BICC1: variants seen among roughly 807,000 people sequenced by gnomAD.
BICC1 encodes protein bicaudal C homolog 1.
BICC1 carries 43 observed loss-of-function variants against 111.0 expected under a neutral mutation model. That is an observed-to-expected ratio of 0.39 (90% CI 0.30 to 0.50). The LOEUF is 0.50. Ranked by LOEUF, BICC1 falls within the 20% of genes least tolerant of loss-of-function variation. BICC1 has a pLI of 0.88. For synonymous variants in BICC1, 467 were observed against 434.4 expected (o/e 1.07, Z -0.93); for missense variants, 1,091 against 1,203.2 (o/e 0.91, Z 1.38).
intron 20 of BICC1, among the ~76,000 whole-genome samples, chr10:58,828,080 A>ACTTACTGGTAAGC (rs1277318743): frequency 6.6e-6 from 1 of 152,216 alleles, no homozygotes; most frequent in Admixed American, 6.5e-5. Context: ...GTGTTAATCA[A>ACTTACTGGTAAGC]CTTACTGGTA....
chr10:58,677,282 T>C (rs1839375858), intron 2 of BICC1, among the ~76,000 whole-genome samples: 1 of 152,160 alleles, frequency 6.6e-6, no homozygotes, highest in African/African-American at 2.4e-5. Flanking sequence ...TCTAACCCAA[T>C]GCAAAGGAAG....
chr10:58,524,749 G>T (rs979695164), intron 1 of BICC1, among the ~76,000 whole-genome samples: 19 of 152,046 alleles, frequency 1.2e-4, no homozygotes, highest in African/African-American at 4.3e-4. Flanking sequence ...CACAGCAAAA[G>T]AAACTACCAT....
At chr10:58,712,669 A>G (rs1247055576) in intron 3 of BICC1, among the ~76,000 whole-genome samples, 3 of 152,218 alleles carry the variant, frequency 2.0e-5, no homozygotes, top group Non-Finnish European at 4.4e-5. Context: ...CTTTGGAGAC[A>G]GTAAAAAGAT....
At chr10:58,760,547 A>C (rs1842284021) in intron 3 of BICC1, among the ~76,000 whole-genome samples, 1 of 152,198 alleles carries the variant, frequency 6.6e-6, no homozygotes, top group Non-Finnish European at 1.5e-5. Context: ...AGCAGACTTA[A>C]ATTGTCCTTG....
intron 19 of BICC1, among the ~76,000 whole-genome samples, chr10:58,818,391 C>G (rs1844161196): frequency 6.6e-6 from 1 of 152,118 alleles, no homozygotes. Flanking sequence ...GCACAGCTAA[C>G]TCAAAGTGTC....
At chr10:58,797,924 G>A (rs1843409631) in intron 10 of BICC1, among the ~76,000 whole-genome samples, 1 of 152,142 alleles carries the variant, frequency 6.6e-6, no homozygotes, top group African/African-American at 2.4e-5. Flanking sequence ...AACTGTTCTG[G>A]TAGCCTACCC....
At chr10:58,693,522 G>C (rs1207253501) in intron 2 of BICC1, among the ~76,000 whole-genome samples, 1 of 152,194 alleles carries the variant, frequency 6.6e-6, no homozygotes, top group East Asian at 1.9e-4. Flanking sequence ...TCCAGCACCT[G>C]TTGTTTCCTG....
At chr10:58,584,420 T>G (rs995388805) in intron 1 of BICC1, among the ~76,000 whole-genome samples, 1 of 152,076 alleles carries the variant, frequency 6.6e-6, no homozygotes, top group African/African-American at 2.4e-5. Context: ...CCTACTAAAC[T>G]CTGGGAGGAG....
chr10:58,757,647 T>C (rs1027860254), intron 3 of BICC1, among the ~76,000 whole-genome samples: 1 of 152,134 alleles, frequency 6.6e-6, no homozygotes, highest in African/African-American at 2.4e-5. Context: ...GCTGTACACC[T>C]ATGTAATTTC....
At position 58,529,841 on chromosome 10, in the gene BICC1, A is replaced by T. The variant is rs139775821; in HGVS notation, c.190+16508A>T. Among the ~76,000 whole-genome samples, 4 of 152,020 alleles carry T rather than the reference A, an allele frequency of 2.6e-5. No homozygotes were observed. In the East Asian group the frequency reaches 7.8e-4, roughly 30 times the overall value. On this transcript the variant is annotated intron_variant, in intron 1 of 20. Transcript: ENST00000373886. ...AGTAAATGGATATCTGAGATGCATT[A>T]TCTAAATAGAGCATATTTGACCAAG...
chr10:58,645,406 CAAAAAAAAAAAAAAAAA>C (rs57417702), intron 2 of BICC1, among the ~76,000 whole-genome samples: 7 of 73,330 alleles, frequency 9.5e-5, no homozygotes, highest in African/African-American at 2.3e-4. Context: ...GACTCCATCT[CAAAAAAAAAAAAAAAAA>C]AAAAAAAAAA....
intron 3 of BICC1, among the ~76,000 whole-genome samples, chr10:58,719,076 AT>A (rs1840855759): frequency 6.6e-6 from 1 of 152,030 alleles, no homozygotes; most frequent in Non-Finnish European, 1.5e-5. Context: ...CTTTGTCTCC[AT>A]TTCTAGAATG....
intron 1 of BICC1, among the ~76,000 whole-genome samples, chr10:58,568,479 A>G (rs1044190022): frequency 1.3e-5 from 2 of 152,138 alleles, no homozygotes; most frequent in African/African-American, 4.8e-5. Flanking sequence ...ACTTATTTTA[A>G]TGTTCCAGTG....
At chr10:58,675,020 A>C (rs1425002988) in intron 2 of BICC1, among the ~76,000 whole-genome samples, 1 of 152,226 alleles carries the variant, frequency 6.6e-6, no homozygotes, top group African/African-American at 2.4e-5. Context: ...ATCAAGCATG[A>C]AATCCTCTGT....
At chr10:58,644,488 C>T (rs1838210307) in intron 2 of BICC1, among the ~76,000 whole-genome samples, 1 of 152,162 alleles carries the variant, frequency 6.6e-6, no homozygotes, top group Admixed American at 6.5e-5. Context: ...CAGAACTCCA[C>T]CCGTCCCCGT....
chr10:58,724,974 GT>G (rs1370572260), intron 3 of BICC1, among the ~76,000 whole-genome samples: 1 of 152,142 alleles, frequency 6.6e-6, no homozygotes, highest in Non-Finnish European at 1.5e-5. Flanking sequence ...CTCATTTGAG[GT>G]TAGACACCTG....
At chr10:58,819,546 A>G (rs58171968) in intron 19 of BICC1, among the ~76,000 whole-genome samples, 4 of 152,294 alleles carry the variant, frequency 2.6e-5, no homozygotes, top group East Asian at 3.9e-4. Context: ...TCATTTAGCA[A>G]CTTTCACAGG....
intron 2 of BICC1, among the ~76,000 whole-genome samples, chr10:58,655,828 G>A: frequency 6.8e-6 from 1 of 147,934 alleles, no homozygotes; most frequent in Non-Finnish European, 1.5e-5. Flanking sequence ...GTTTGTCATA[G>A]ATAGCTCTTA....
intron 3 of BICC1, among the ~76,000 whole-genome samples, chr10:58,750,835 G>A (rs532254675): frequency 2.0e-5 from 3 of 152,074 alleles, no homozygotes; most frequent in Non-Finnish European, 4.4e-5. Flanking sequence ...TTTTTAATTG[G>A]AAGCAGTCTT....
Sources: gnomAD v4.1 joint callset for allele counts (sites outside exome capture counted in the v4.1 genomes callset) on GRCh38, gnomAD v4.1.1 for gene constraint, MANE v1.5 for transcripts, NCBI Gene and HGNC (gene_info 2026-07-23, HGNC 2026-07-21) for gene names.